Variants in TENM2 observed in about 807,000 individuals in gnomAD.
TENM2 encodes the protein teneurin-2.
In TENM2, 52 loss-of-function variants were observed where a neutral mutation model predicts 245.2. The ratio of observed to expected loss-of-function variants is 0.21; its 90% CI spans 0.17 to 0.27. The LOEUF is 0.27. Among genes scored for constraint, TENM2 ranks in the 10% least tolerant of loss-of-function variants. The pLI, the probability that TENM2 is intolerant of heterozygous loss-of-function variation, is 1.00. For missense variants in TENM2, 3,046 were observed against 3,666.8 expected (o/e 0.83, Z 4.37); for synonymous variants, 1,363 against 1,438.9 (o/e 0.95, Z 1.19).
chr5:168,188,934 A>G (rs948110322), intron 13 of TENM2, among the ~76,000 whole-genome samples: 1 of 152,168 alleles, frequency 6.6e-6, no homozygotes. Context: ...CAAAAATACC[A>G]TAGACTAGGG....
intron 1 of TENM2, among the ~76,000 whole-genome samples, chr5:167,302,477 G>T (rs1755394389): frequency 6.6e-6 from 1 of 151,728 alleles, no homozygotes; most frequent in African/African-American, 2.4e-5. Flanking sequence ...AAGGGGTCAG[G>T]GTGGGGAAAT....
At chr5:167,642,682 T>C (rs926788271) in intron 2 of TENM2, among the ~76,000 whole-genome samples, 1 of 152,194 alleles carries the variant, frequency 6.6e-6, no homozygotes, top group Non-Finnish European at 1.5e-5. Context: ...AGAAAAAGTG[T>C]AGTAGAATTG....
Position 168,131,548 on chromosome 5 carries a change from G to A in TENM2, c.2422+4582G>A, listed in dbSNP as rs150145900. Among the ~76,000 whole-genome samples the A allele has an allele frequency of 2.8e-4, 42 of 152,252 alleles. No individual in the cohort carries two copies. In the East Asian group the frequency reaches 6.2e-3, roughly 22 times the overall value. ...TTACCCAAGGTAAAACCAGCCGTGC[G>A]ATGATCCGATGTGCTGATTAAGTGA... On this transcript the variant is annotated intron_variant, in intron 12 of 28. Coordinates refer to ENST00000518659, the Ensembl canonical transcript of TENM2.
At chr5:167,707,130 T>C (rs1022031819) in intron 2 of TENM2, among the ~76,000 whole-genome samples, 1 of 151,206 alleles carries the variant, frequency 6.6e-6, no homozygotes, top group Admixed American at 6.6e-5. Context: ...GATATCTCAG[T>C]GTGGTTTTGA....
chr5:167,205,480 A>G, the TENM2 span, among the ~76,000 whole-genome samples: 1 of 152,328 alleles, frequency 6.6e-6, no homozygotes, highest in African/African-American at 2.4e-5. Context: ...TGAAAGACAA[A>G]TGTTGGTCTT....
intron 2 of TENM2, among the ~76,000 whole-genome samples, chr5:167,648,796 G>T (rs992442515): frequency 6.6e-6 from 1 of 152,128 alleles, no homozygotes; most frequent in African/African-American, 2.4e-5. Flanking sequence ...AGTCAAAATT[G>T]GTTTGAGGGA....
At chr5:167,066,860 T>C in the TENM2 span, among the ~76,000 whole-genome samples, 1 of 152,154 alleles carries the variant, frequency 6.6e-6, no homozygotes, top group East Asian at 1.9e-4. Context: ...AAAAATGGTA[T>C]TTTGTATTCT....
the TENM2 span, among the ~76,000 whole-genome samples, chr5:167,105,257 A>C: frequency 6.4e-4 from 97 of 152,172 alleles, no homozygotes; most frequent in Non-Finnish European, 1.2e-3. Flanking sequence ...TTCTCAAAAA[A>C]ATTCAAGTGT....
chr5:167,741,437 C>T (rs563192911), intron 2 of TENM2, among the ~76,000 whole-genome samples: 13 of 152,174 alleles, frequency 8.5e-5, no homozygotes, highest in Non-Finnish European at 1.9e-4. Context: ...CAGGTTTTAG[C>T]ACTTAAAGTG....
At position 167,429,021 on chromosome 5, in the gene TENM2, AT is replaced by A. The variant is rs568929064; in HGVS notation, c.502+53553del. ...ATCCCTTTCTGCATTCCCAGAAAGT[AT>A]TTTTATACACGTGTGTTTTTTTCTC... On this transcript the variant is annotated intron_variant, in intron 2 of 28. Transcript: ENST00000518659. Among the ~76,000 whole-genome samples, 14 of 152,236 alleles carry A rather than the reference AT, an allele frequency of 9.2e-5. No individual in the cohort carries two copies. In the South Asian group the frequency reaches 2.9e-3, roughly 32 times the overall value.
chr5:167,088,581 CG>C, the TENM2 span, among the ~76,000 whole-genome samples: 2 of 151,432 alleles, frequency 1.3e-5, no homozygotes, highest in Non-Finnish European at 2.9e-5. Context: ...GAGCAGAGAT[CG>C]GGCCACTGCA....
At chr5:168,084,180 T>A (rs1410730223) in intron 7 of TENM2, among the ~76,000 whole-genome samples, 1 of 152,236 alleles carries the variant, frequency 6.6e-6, no homozygotes, top group African/African-American at 2.4e-5. Context: ...CCTAGGTTGA[T>A]CCCATCTTTA....
At chr5:168,069,151 C>G (rs1790763800) in intron 7 of TENM2, among the ~76,000 whole-genome samples, 1 of 152,156 alleles carries the variant, frequency 6.6e-6, no homozygotes, top group Non-Finnish European at 1.5e-5. Flanking sequence ...CAAACATGTG[C>G]CTCTGCTCTG....
chr5:167,871,417 G>GAA (rs112384930), intron 2 of TENM2, among the ~76,000 whole-genome samples: 44 of 150,138 alleles, frequency 2.9e-4, no homozygotes, highest in African/African-American at 9.0e-4. Flanking sequence ...CTTTAATCAG[G>GAA]AAAAAAAAAA....
chr5:167,590,685 C>T (rs1340405207), intron 2 of TENM2, among the ~76,000 whole-genome samples: 2 of 151,880 alleles, frequency 1.3e-5, no homozygotes, highest in Admixed American at 6.6e-5. Flanking sequence ...TTTTTTTCCT[C>T]TTTAACTTGA....
intron 1 of TENM2, among the ~76,000 whole-genome samples, chr5:167,288,532 C>T (rs1201099242): frequency 1.4e-5 from 2 of 145,558 alleles, no homozygotes. Flanking sequence ...GCACTCCAGC[C>T]TGGGCGACAG....
At chr5:167,762,905 A>T (rs1027601662) in intron 2 of TENM2, among the ~76,000 whole-genome samples, 1 of 152,232 alleles carries the variant, frequency 6.6e-6, no homozygotes, top group African/African-American at 2.4e-5. Flanking sequence ...AACATCTGCC[A>T]TGTGCAGGAA....
At chr5:167,398,361 CTTTCCTTTCTTTCTTCCTTT>C (rs1296665823) in intron 2 of TENM2, among the ~76,000 whole-genome samples, 2 of 149,030 alleles carry the variant, frequency 1.3e-5, no homozygotes, top group African/African-American at 4.9e-5. Context: ...TTCTTTCTTT[CTTTCCTTTCTTTCTTCCTTT>C]CTTTCTTTCT....
the TENM2 span, among the ~76,000 whole-genome samples, chr5:167,174,027 G>T: frequency 6.6e-6 from 1 of 151,620 alleles, no homozygotes; most frequent in Non-Finnish European, 1.5e-5. Context: ...GGAGCGATTT[G>T]TTCTTCATTT....
Sources: gnomAD v4.1 joint callset for allele counts (sites outside exome capture counted in the v4.1 genomes callset) on GRCh38, gnomAD v4.1.1 for gene constraint, MANE v1.5 for transcripts, NCBI Gene and HGNC (gene_info 2026-07-23, HGNC 2026-07-21) for gene names.